EBF3: variants seen among roughly 807,000 people sequenced by gnomAD.
The protein encoded by EBF3 is transcription factor COE3.
Under a neutral mutation model 77.1 loss-of-function variants are expected in EBF3, and 18 were observed. The observed-to-expected ratio is 0.23, with a 90% CI of 0.16 to 0.35. The LOEUF is 0.35. Among genes scored for constraint, EBF3 ranks in the 10% least tolerant of loss-of-function variants. EBF3 has a pLI of 1.00. For missense variants in EBF3, 558 were observed against 860.0 expected, an observed-to-expected ratio of 0.65 and a Z score of 4.39; for synonymous variants, 350 against 343.5, an observed-to-expected ratio of 1.02 and a Z score of -0.21.
intron 6 of EBF3, among the ~76,000 whole-genome samples, chr10:129,886,114 T>G (rs1460108586): frequency 6.7e-6 from 1 of 149,724 alleles, no homozygotes; most frequent in Non-Finnish European, 1.5e-5. Context: ...TCCTCGGATG[T>G]ACATTTCCCC....
intron 6 of EBF3, among the ~76,000 whole-genome samples, chr10:129,955,154 T>C (rs1456378104): frequency 1.3e-5 from 2 of 152,216 alleles, no homozygotes; most frequent in African/African-American, 4.8e-5. Context: ...ACAATGCTAA[T>C]AGTACTTTGC....
chr10:129,931,404 C>T (rs1857017814), intron 6 of EBF3, among the ~76,000 whole-genome samples: 1 of 152,204 alleles, frequency 6.6e-6, no homozygotes, highest in Non-Finnish European at 1.5e-5. Flanking sequence ...GGCAACAAGA[C>T]TCTGCCATGC....
intron 10 of EBF3, among the ~76,000 whole-genome samples, chr10:129,858,366 G>A (rs986883553): frequency 3.3e-5 from 5 of 152,296 alleles, no homozygotes; most frequent in East Asian, 1.9e-4. Flanking sequence ...AAGCAGTCTC[G>A]ATGCCACCTG....
chr10:129,921,839 C>T lies in EBF3; in HGVS notation c.554+35419G>A, dbSNP rs530727564. 3.4e-4 allele frequency among the ~76,000 whole-genome samples: 52 copies of T among 152,274 alleles called. 1 individual carries two copies. Among genetic ancestry groups the T allele is most frequent in the African/African-American group, 9.9e-4 (41 of 41,542 alleles). On this transcript the variant is annotated intron_variant, in intron 6 of 16. Coordinates refer to ENST00000440978, the MANE Select transcript of EBF3 (RefSeq NM_001375380.1). ...ATGCTGAGGCCTCAAACACGAAGGC[C>T]GCCCTGTCCTCCTGAGCCCCACACC...
chr10:129,860,900 G>A (rs188526288), intron 10 of EBF3, among the ~76,000 whole-genome samples: 4 of 152,316 alleles, frequency 2.6e-5, no homozygotes, highest in African/African-American at 7.2e-5. Flanking sequence ...CTAAATGTGC[G>A]ATTTCTGTAT....
chr10:129,838,255 G>C (rs1458279487), intron 16 of EBF3, among the ~76,000 whole-genome samples: 3 of 152,244 alleles, frequency 2.0e-5, no homozygotes, highest in Non-Finnish European at 2.9e-5. Flanking sequence ...GTGTGCAGAG[G>C]CTGCAGCTTC....
Position 129,870,073 on chromosome 10 carries a change from A to G in EBF3, c.782-2161T>C, listed in dbSNP as rs1297383587. Among the ~76,000 whole-genome samples the G allele has an allele frequency of 6.6e-6, 1 of 152,156 alleles. No individual in the cohort carries two copies. Among genetic ancestry groups the G allele is most frequent in the Non-Finnish European group, 1.5e-5 (1 of 68,028 alleles). On this transcript the variant is annotated intron_variant, in intron 8 of 16. Transcript: ENST00000440978. This position sits in a 1 kb window ranked among gnomAD's most constrained non-coding sequence, Gnocchi z 4.4. ...GAATCCAGGATCTACTGCATGCACAAGAGACTGCTATCTGGCAGCTGTGGC... is the reference window on the plus strand; with the variant it reads ...GAATCCAGGATCTACTGCATGCACAGGAGACTGCTATCTGGCAGCTGTGGC...
chr10:129,899,979 G>A (rs1158484210), intron 6 of EBF3, among the ~76,000 whole-genome samples: 1 of 152,212 alleles, frequency 6.6e-6, no homozygotes, highest in Non-Finnish European at 1.5e-5. Flanking sequence ...CGTTGCTGCA[G>A]AAGAACACTT....
rs2134227008 is a variant in EBF3 at position 129,897,494 on chromosome 10, A to G, written c.555-19645T>C. 6.6e-6 allele frequency among the ~76,000 whole-genome samples: 1 copy of G among 152,250 alleles called. No individual in the cohort carries two copies. Among genetic ancestry groups the G allele is most frequent in the South Asian group, 2.1e-4 (1 of 4,816 alleles). ...GGCTCCCCCTAAATCAAGGGGGGCC[A>G]GGCAGACCTAACAAACAGAGGCAAC... On this transcript the variant is annotated intron_variant, in intron 6 of 16. Transcript: ENST00000440978. This position sits in a 1 kb window ranked among gnomAD's most constrained non-coding sequence, Gnocchi z 4.6.
At chr10:129,932,330 G>A (rs555848909) in intron 6 of EBF3, among the ~76,000 whole-genome samples, 3 of 152,294 alleles carry the variant, frequency 2.0e-5, no homozygotes, top group Admixed American at 6.5e-5. Flanking sequence ...ATCCCTGGCA[G>A]CCAGCCCTCA....
intron 6 of EBF3, among the ~76,000 whole-genome samples, chr10:129,923,463 T>G (rs986951420): frequency 3.3e-5 from 5 of 152,200 alleles, no homozygotes; most frequent in Non-Finnish European, 5.9e-5. Flanking sequence ...TGGGACAGAA[T>G]GGAGAGCCCA....
rs1253847842 is a variant in EBF3, at chr10:129,863,876, G to A, written c.1039+3265C>T. 1.3e-5 allele frequency among the ~76,000 whole-genome samples: 2 copies of A among 152,164 alleles called. No homozygotes were observed. The highest frequency in any genetic ancestry group is 4.8e-5 in the African/African-American group (2 of 41,448). On this transcript the variant is annotated intron_variant, in intron 10 of 16. Transcript: ENST00000440978. This position sits in a 1 kb window ranked among gnomAD's most constrained non-coding sequence, Gnocchi z 4.0. ...ATGGATATTCCTGTTAATGACTGGG[G>A]TGTGGGGGAGCCAATAGGTTAACCT...
At chr10:129,839,041 C>G (rs903788582) in intron 16 of EBF3, 42 bp downstream of exon 16, 4 of 1,303,344 alleles carry the variant, frequency 3.1e-6, no homozygotes, top group Non-Finnish European at 4.0e-6. Flanking sequence ...CCTTCATACG[C>G]TAACGGATGT....
chr10:129,916,081 G>A (rs1855867962), intron 6 of EBF3, among the ~76,000 whole-genome samples: 1 of 152,244 alleles, frequency 6.6e-6, no homozygotes, highest in African/African-American at 2.4e-5. Flanking sequence ...AGAGGGCCTG[G>A]GACATGCCCC....
chr10:129,964,025 G>T lies in EBF3; in HGVS notation c.-257C>A. ...CGAAGGAGCAGGACGCGGTGGCCGCGGCGGCGCTTGTTGTTGTTGTTGTTT... is the reference window on the plus strand; with the variant it reads ...CGAAGGAGCAGGACGCGGTGGCCGCTGCGGCGCTTGTTGTTGTTGTTGTTT... On this transcript the variant is annotated 5_prime_UTR_variant, in exon 1 of 17. Transcript: ENST00000440978. This position sits in a 1 kb window ranked among gnomAD's most constrained non-coding sequence, Gnocchi z 4.5. 1 of 985,216 alleles carries T rather than the reference G, an allele frequency of 1.0e-6. No homozygotes were observed. The allele number at this position is 985,216 out of a possible 1,614,324, so 61.0% of individuals were successfully genotyped here. A position where few individuals can be genotyped will look rare whatever the true frequency, so the allele number is the denominator to read the frequency against.
chr10:129,961,112 CAG>C (rs1272712708), intron 4 of EBF3, among the ~76,000 whole-genome samples: 1 of 152,208 alleles, frequency 6.6e-6, no homozygotes, highest in East Asian at 1.9e-4. Context: ...TAATTGCATG[CAG>C]AGAGTGGGAG....
At chr10:129,955,171 A>G (rs1826528444) in intron 6 of EBF3, among the ~76,000 whole-genome samples, 1 of 152,204 alleles carries the variant, frequency 6.6e-6, no homozygotes, top group African/African-American at 2.4e-5. Context: ...TTGCCATTCT[A>G]AGTGACAGCT....
chr10:129,907,940 G>C (rs902917565), intron 6 of EBF3, among the ~76,000 whole-genome samples: 1 of 152,168 alleles, frequency 6.6e-6, no homozygotes, highest in Non-Finnish European at 1.5e-5. Context: ...AATAATAGCA[G>C]CACTGAACAG....
chr10:129,889,490 T>C (rs1027749325), intron 6 of EBF3, among the ~76,000 whole-genome samples: 1 of 152,140 alleles, frequency 6.6e-6, no homozygotes, highest in Non-Finnish European at 1.5e-5. Context: ...GAGCACAGCT[T>C]TCTTGTCGGA....
Sources: gnomAD v4.1 joint callset for allele counts (sites outside exome capture counted in the v4.1 genomes callset) on GRCh38, gnomAD v4.1.1 for gene constraint, Gnocchi (gnomAD v3.1) non-coding constraint, MANE v1.5 for transcripts, NCBI Gene and HGNC (gene_info 2026-07-23, HGNC 2026-07-21) for gene names.